SSX1: variants seen among roughly 807,000 people sequenced by gnomAD.
SSX1 encodes the protein protein SSX1.
A neutral mutation model predicts 14.6 loss-of-function variants in SSX1; 58 were observed. The observed-to-expected ratio is 3.96, with a 90% CI of 3.21 to 4.93. The LOEUF is 4.93. Among genes scored for constraint, SSX1 ranks in the 30% most tolerant of loss-of-function variants. The pLI is 0.00. For missense variants in SSX1, 272 were observed against 143.1 expected (o/e 1.90, Z -4.60); for synonymous variants, 46 against 52.1 (o/e 0.88, Z 0.50).
At chrX:48,260,550 A>G (rs782578488) in intron 4 of SSX1, among the ~76,000 whole-genome samples, 2 of 111,776 alleles carry the variant, frequency 1.8e-5, no homozygotes, top group Admixed American at 1.9e-4. Context: ...AGGGTATTCA[A>G]TTAGGAAAAG....
intron 2 of SSX1, 165 bp from the exon 3 acceptor site, chrX:48,257,581 G>A (rs1239244842): frequency 4.0e-6 from 3 of 753,006 alleles, no homozygotes; most frequent in South Asian, 6.8e-5. Context: ...TGTGTGCCAC[G>A]GGAGAAGCTA....
intron 1 of SSX1, among the ~76,000 whole-genome samples, chrX:48,256,376 G>T (rs1285343768): frequency 1.9e-5 from 2 of 106,847 alleles, no homozygotes; most frequent in African/African-American, 6.8e-5. Flanking sequence ...GTGGGCTCAA[G>T]CGATCCGCCC....
At chrX:48,266,047 G>A (rs188407903) in intron 6 of SSX1, among the ~76,000 whole-genome samples, 77 of 111,963 alleles carry the variant, frequency 6.9e-4, no homozygotes, top group African/African-American at 2.4e-3. Context: ...CGTAAGTGAA[G>A]AGGTTGGTAA....
intron 1 of SSX1, among the ~76,000 whole-genome samples, chrX:48,256,466 T>TG (rs1328863793): frequency 6.4e-5 from 5 of 77,626 alleles, no homozygotes; most frequent in East Asian, 8.3e-4. Flanking sequence ...TTTTTTTTTT[T>TG]TTTTTTTTTT....
chrX:48,255,765 T>G (rs12863140), intron 1 of SSX1, among the ~76,000 whole-genome samples: 1 of 100,025 alleles, frequency 1.0e-5, no homozygotes, highest in Non-Finnish European at 2.0e-5. Flanking sequence ...CCTCACTAAT[T>G]TTTTTTATTT....
chrX:48,262,917 C>T (rs1368035534), intron 5 of SSX1, among the ~76,000 whole-genome samples: 8 of 110,167 alleles, frequency 7.3e-5, no homozygotes, highest in Non-Finnish European at 1.3e-4. Context: ...GGGCAGATTA[C>T]GAGGTCAAGA....
intron 6 of SSX1, among the ~76,000 whole-genome samples, chrX:48,266,080 G>A (rs781886290): frequency 8.9e-6 from 1 of 112,071 alleles, no homozygotes; most frequent in East Asian, 2.8e-4. Context: ...AACAGAAGGA[G>A]CCAGAAGCTA....
Position 48,266,411 on chromosome X carries a change from A to G in SSX1, c.*4+20A>G, listed in dbSNP as rs1314207215. 8.3e-7 allele frequency: 1 copy of G among 1,209,427 alleles called. No individual in the cohort carries two copies. The highest frequency in any genetic ancestry group is 1.1e-6 in the Non-Finnish European group (1 of 894,807). On this transcript the variant is annotated intron_variant, in intron 7 of 7. Transcript: ENST00000376919. ...AACTCCGTAAGTGAACCTTCGGCTC[A>G]CCCTCCACATCCCTGCAGATGTGCT...
intron 5 of SSX1, among the ~76,000 whole-genome samples, chrX:48,262,278 G>T (rs1202408491): frequency 1.8e-4 from 20 of 112,084 alleles, no homozygotes; most frequent in Non-Finnish European, 3.0e-4. Flanking sequence ...AGGCTATCGG[G>T]GTACAGAGAT....
intron 6 of SSX1, 40 bp from the exon 7 acceptor site, chrX:48,266,247 A>T (rs1292650298): frequency 8.3e-7 from 1 of 1,207,843 alleles, no homozygotes; most frequent in African/African-American, 1.8e-5. Flanking sequence ...ACACTCTTCA[A>T]CGTACCCAAC....
intron 1 of SSX1, among the ~76,000 whole-genome samples, chrX:48,255,686 G>A (rs2059578167): frequency 9.7e-6 from 1 of 103,169 alleles, no homozygotes; most frequent in South Asian, 4.6e-4. Context: ...GACCAGGCTG[G>A]CCTCAACCGC....
chrX:48,266,325 C>G lies in SSX1; in HGVS notation c.505C>G (p.Arg169Gly), dbSNP rs148967170. ...RGKHAWTHRL[R>G]ERKQLVIYEE... ...GAAACATGCCTGGACCCACAGACTGCGTGAGAGAAAGCAGCTGGTGATTTA... is the reference window on the plus strand; with the variant it reads ...GAAACATGCCTGGACCCACAGACTGGGTGAGAGAAAGCAGCTGGTGATTTA... The change falls in exon 7 of 8, where the codon CGT becomes GGT. Residue 169 changes from arginine (R) to glycine (G), a missense_variant. By Grantham distance (125) the Arg-to-Gly change is moderately radical. Coordinates refer to ENST00000376919, the MANE Select transcript of SSX1 (RefSeq NM_005635.4). The G allele has an allele frequency of 4.6e-5, 56 of 1,208,128 alleles. No individual in the cohort carries two copies. In the Admixed American group the frequency reaches 9.0e-4, roughly 19 times the overall value.
chrX:48,258,066 C>T (rs1397705562), intron 3 of SSX1, among the ~76,000 whole-genome samples: 2 of 109,241 alleles, frequency 1.8e-5, no homozygotes, highest in East Asian at 2.9e-4. Flanking sequence ...TGTACCTGGA[C>T]CTTGCACTTT....
intron 4 of SSX1, among the ~76,000 whole-genome samples, chrX:48,258,998 G>GTTTTGT (rs2059594221): frequency 1.2e-5 from 1 of 82,741 alleles, no homozygotes; most frequent in East Asian, 3.5e-4. Context: ...GTTTCGTTTT[G>GTTTTGT]TTTTGTTTTT....
Position 48,263,777 on chromosome X carries a change from T to C in SSX1, c.331-5T>C. The C allele has an allele frequency of 8.3e-7, 1 of 1,211,161 alleles. No individual in the cohort carries two copies. Among genetic ancestry groups the C allele is most frequent in the Non-Finnish European group, 1.1e-6 (1 of 895,148 alleles). ...CTGTTTATCTGTAACCTTCACATTATAAAGATCATGCCCAAGAAGCCAGCA... is the reference window on the plus strand; with the variant it reads ...CTGTTTATCTGTAACCTTCACATTACAAAGATCATGCCCAAGAAGCCAGCA... On this transcript the variant is annotated splice_region_variant and splice_polypyrimidine_tract_variant and intron_variant, in intron 5 of 7. Transcript: ENST00000376919.
intron 4 of SSX1, among the ~76,000 whole-genome samples, chrX:48,261,182 T>G (rs1448247609): frequency 5.4e-5 from 6 of 111,945 alleles, no homozygotes; most frequent in African/African-American, 1.9e-4. Context: ...AAGGTCAGAG[T>G]GTCTAAACTG....
chrX:48,264,378 T>C (rs781888557), intron 6 of SSX1, among the ~76,000 whole-genome samples: 2 of 112,572 alleles, frequency 1.8e-5, no homozygotes, highest in Non-Finnish European at 3.8e-5. Flanking sequence ...GTCACACACA[T>C]TGTTTTTCGT....
chrX:48,261,643 A>G, intron 4 of SSX1, 123 bp from the exon 5 acceptor site: 1 of 779,639 alleles, frequency 1.3e-6, no homozygotes, highest in South Asian at 2.3e-5. Context: ...CAAATCTCAA[A>G]TAACTCCTCA....
chrX:48,264,768 A>C (rs782694298), intron 6 of SSX1, among the ~76,000 whole-genome samples: 24 of 112,925 alleles, frequency 2.1e-4, no homozygotes, highest in Non-Finnish European at 3.6e-4. Context: ...GGAGTCAATC[A>C]TCTCTAGCTA....
Sources: allele counts gnomAD v4.1 joint callset (sites outside exome capture counted in the v4.1 genomes callset), GRCh38; gene constraint gnomAD v4.1.1; transcripts MANE v1.5; gene names NCBI Gene and HGNC (gene_info 2026-07-23, HGNC 2026-07-21).